The following TNFSF8 variants were observed in gnomAD, a reference collection of about 807,000 sequenced individuals.
TNFSF8 encodes the protein TNF superfamily member 8.
In TNFSF8, 4 loss-of-function variants were observed where a neutral mutation model predicts 22.0. That is an observed-to-expected ratio of 0.18 (90% CI 0.09 to 0.42). The LOEUF is 0.42. TNFSF8 is among the 10% of genes least tolerant of loss of function. The pLI is 1.00. For missense variants in TNFSF8, 233 were observed against 281.8 expected (o/e 0.83, Z 1.24); for synonymous variants, 106 against 112.5 (o/e 0.94, Z 0.37).
chr9:114,922,907 T>G (rs1162612842), intron 1 of TNFSF8, among the ~76,000 whole-genome samples: 1 of 152,024 alleles, frequency 6.6e-6, no homozygotes, highest in Non-Finnish European at 1.5e-5. Context: ...AGCATCCAGG[T>G]GATGCCAATG....
downstream of TNFSF8, among the ~76,000 whole-genome samples, chr9:114,897,262 C>A (rs1255299772): frequency 1.0e-5 from 1 of 98,810 alleles, no homozygotes; most frequent in African/African-American, 6.7e-5. Flanking sequence ...TTGAAAAGAA[C>A]TGTTTTTTTT....
chr9:114,911,150 A>G (rs1264863324), intron 2 of TNFSF8, among the ~76,000 whole-genome samples: 2 of 152,246 alleles, frequency 1.3e-5, no homozygotes, highest in Non-Finnish European at 2.9e-5. Context: ...GGCAGATGAA[A>G]TGCTCATTAA....
Position 114,901,468 on chromosome 9 carries a change from A to G in TNFSF8, c.*2463T>C, listed in dbSNP as rs1307452273. The G allele has an allele frequency of 1.0e-6, 1 of 985,328 alleles. No homozygotes were observed. Among genetic ancestry groups the G allele is most frequent in the East Asian group, 1.1e-4 (1 of 8,830 alleles). The allele number at this position is 985,328 out of a possible 1,614,324, so 61.0% of individuals were successfully genotyped here. A position where few individuals can be genotyped will look rare whatever the true frequency, so the allele number is the denominator to read the frequency against. On this transcript the variant is annotated 3_prime_UTR_variant, in exon 4 of 4. Transcript: ENST00000223795. ...AAAGTCAGGTACCTCTGCTCAGAGA[A>G]CAGTTGGTGAAAAATGAAAATGGAA...
chr9:114,917,572 A>T (rs1204415342), intron 2 of TNFSF8, among the ~76,000 whole-genome samples: 2 of 152,184 alleles, frequency 1.3e-5, no homozygotes, highest in African/African-American at 4.8e-5. Context: ...GTGAGGAGGA[A>T]GTCTGTTTTC....
rs1587931325 is a variant in TNFSF8 at position 114,903,857 on chromosome 9, T to C, written c.*74A>G. On this transcript the variant is annotated 3_prime_UTR_variant, in exon 4 of 4. Coordinates refer to ENST00000223795, the MANE Select transcript of TNFSF8 (RefSeq NM_001244.4). ...TTGTCTTGGTCTAAAGTTTTCTTTTTGCCCAAGTGTTTGGAGGGATGAAAT... is the reference window on the plus strand; with the variant it reads ...TTGTCTTGGTCTAAAGTTTTCTTTTCGCCCAAGTGTTTGGAGGGATGAAAT... The C allele has an allele frequency of 2.6e-6, 4 of 1,521,498 alleles. No individual in the cohort carries two copies. Among genetic ancestry groups the C allele is most frequent in the Non-Finnish European group, 3.5e-6 (4 of 1,140,332 alleles). The allele number at this position is 1,521,498 out of a possible 1,614,324, so 94.2% of individuals were successfully genotyped here.
chr9:114,894,066 C>T, exon 5 of TNFSF8: 3 of 1,533,636 alleles, frequency 2.0e-6, no homozygotes, highest in Non-Finnish European at 8.7e-7. Context: ...TCTGCAGCAA[C>T]CAGCATCAAG....
chr9:114,901,119 G>C, downstream of TNFSF8: 1 of 985,358 alleles, frequency 1.0e-6, no homozygotes, highest in Admixed American at 6.1e-5. Context: ...TTTTACCAAA[G>C]AGGCATATGT....
At chr9:114,912,824 G>A (rs1827869023) in intron 2 of TNFSF8, among the ~76,000 whole-genome samples, 1 of 152,150 alleles carries the variant, frequency 6.6e-6, no homozygotes, top group African/African-American at 2.4e-5. Flanking sequence ...GGGTTCATTT[G>A]GTAAAATTAG....
At chr9:114,894,142 G>A in exon 5 of TNFSF8, 1 of 1,535,152 alleles carries the variant, frequency 6.5e-7, no homozygotes, top group Non-Finnish European at 8.7e-7. Flanking sequence ...AGTGTGAATG[G>A]TGGAGGATCA....
downstream of TNFSF8, among the ~76,000 whole-genome samples, chr9:114,899,316 ATCAATTCAGGTCT>A (rs373385933): frequency 5.3e-5 from 8 of 151,590 alleles, no homozygotes; most frequent in African/African-American, 1.5e-4. Context: ...GCATCATAAA[ATCAATTCAGGTCT>A]TCACAGTAAG....
intron 1 of TNFSF8, among the ~76,000 whole-genome samples, chr9:114,926,436 GAAAAA>G (rs1352770815): frequency 6.6e-6 from 1 of 150,734 alleles, no homozygotes; most frequent in Non-Finnish European, 1.5e-5. Context: ...TCCAAAAAAA[GAAAAA>G]AAGAAAATGC....
Position 114,903,181 on chromosome 9 carries a change from C to T in TNFSF8, c.*750G>A, listed in dbSNP as rs1351724200. The stretch of plus-strand genomic sequence containing the variant: ...GAGAAGGAGGACTGCCCTTCAGACT[C>T]ATTATGCCCTTTCTGTCCAGGATCT... On this transcript the variant is annotated 3_prime_UTR_variant, in exon 4 of 4. Coordinates refer to ENST00000223795, the MANE Select transcript of TNFSF8 (RefSeq NM_001244.4). 6.6e-6 allele frequency: 1 copy of T among 152,306 alleles called. No individual in the cohort carries two copies. The highest frequency in any genetic ancestry group is 2.4e-5 in the African/African-American group (1 of 41,476). 9.4% of individuals were successfully genotyped at this position (152,306 alleles called of 1,614,324 possible).
At chr9:114,901,002 C>A (rs970495393), downstream of TNFSF8, 132 of 983,394 alleles carry the variant, frequency 1.3e-4, no homozygotes, top group Non-Finnish European at 1.5e-4. Context: ...GCTCACTTAC[C>A]ATCTTCCTCT....
intron 1 of TNFSF8, among the ~76,000 whole-genome samples, chr9:114,927,541 A>T (rs1205945345): frequency 2.0e-5 from 3 of 152,190 alleles, no homozygotes; most frequent in Admixed American, 1.3e-4. Context: ...TCTCAAGCCA[A>T]CCTGAAACTA....
intron 2 of TNFSF8, among the ~76,000 whole-genome samples, chr9:114,911,762 G>A (rs1432138561): frequency 6.6e-6 from 1 of 151,800 alleles, no homozygotes. Context: ...TCCTTGGGAT[G>A]TTAAGGTCTT....
downstream of TNFSF8, among the ~76,000 whole-genome samples, chr9:114,898,292 G>T (rs187929005): frequency 6.6e-6 from 1 of 152,168 alleles, no homozygotes; most frequent in African/African-American, 2.4e-5. Flanking sequence ...CTGAGCCACC[G>T]TGCCTGGCTC....
At chr9:114,922,193 G>T (rs1232998622) in intron 1 of TNFSF8, among the ~76,000 whole-genome samples, 1 of 152,314 alleles carries the variant, frequency 6.6e-6, no homozygotes, top group Non-Finnish European at 1.5e-5. Flanking sequence ...ACCTTGAAAG[G>T]CTTGTTTCTT....
chr9:114,908,484 C>T (rs1053724722), intron 2 of TNFSF8, among the ~76,000 whole-genome samples: 2 of 152,134 alleles, frequency 1.3e-5, no homozygotes, highest in African/African-American at 4.8e-5. Flanking sequence ...GGCCGAAAGC[C>T]CTCTTACACT....
rs943486187 is a variant in TNFSF8, at chr9:114,902,926, C to T, written c.*1005G>A. 17 of 220,400 alleles carry T rather than the reference C, an allele frequency of 7.7e-5. No individual in the cohort carries two copies. The highest frequency in any genetic ancestry group is 1.2e-4 in the Non-Finnish European group (16 of 130,638). The allele number at this position is 220,400 out of a possible 1,614,324, so 13.7% of individuals were successfully genotyped here. A position where few individuals can be genotyped will look rare whatever the true frequency, so the allele number is the denominator to read the frequency against. ...CATACCAGAAGCCGGGCTTAGTCAC[C>T]CTTGATATGGGTTTCTGGTTCTATA... On this transcript the variant is annotated 3_prime_UTR_variant, in exon 4 of 4. Transcript: ENST00000223795.
Sources: gnomAD v4.1 joint callset for allele counts (sites outside exome capture counted in the v4.1 genomes callset) on GRCh38, gnomAD v4.1.1 for gene constraint, MANE v1.5 for transcripts, NCBI Gene and HGNC (gene_info 2026-07-23, HGNC 2026-07-21) for gene names.